The following CDH12 variants were observed in gnomAD, a reference collection of about 807,000 sequenced individuals.
The protein encoded by CDH12 is cadherin 12.
CDH12 carries 41 observed loss-of-function variants against 74.1 expected under a neutral mutation model. That is an observed-to-expected ratio of 0.55 (90% CI 0.43 to 0.72). The LOEUF is 0.72. CDH12 is among the 30% of genes least tolerant of loss of function. The pLI is 0.00. For synonymous variants in CDH12, 399 were observed against 355.0 expected, an observed-to-expected ratio of 1.12 and a Z score of -1.39; for missense variants, 945 against 977.2, an observed-to-expected ratio of 0.97 and a Z score of 0.44.
At chr5:22,610,286 C>T (rs1332488477) in intron 1 of CDH12, among the ~76,000 whole-genome samples, 2 of 152,144 alleles carry the variant, frequency 1.3e-5, no homozygotes, top group Admixed American at 6.5e-5. Context: ...CCAAATGGAA[C>T]ATCCATTTTG....
chr5:22,327,453 T>C (rs1294113314), intron 3 of CDH12, among the ~76,000 whole-genome samples: 1 of 151,794 alleles, frequency 6.6e-6, no homozygotes, highest in Admixed American at 6.6e-5. Context: ...TGTGTGTGTG[T>C]GTGTGTGTGT....
intron 1 of CDH12, among the ~76,000 whole-genome samples, chr5:22,606,713 T>C (rs1737136489): frequency 6.6e-6 from 1 of 152,136 alleles, no homozygotes; most frequent in Non-Finnish European, 1.5e-5. Flanking sequence ...GAAAATGGAC[T>C]AATACATTAA....
intron 2 of CDH12, among the ~76,000 whole-genome samples, chr5:22,440,880 T>TTG (rs1302685467): frequency 2.0e-5 from 3 of 152,150 alleles, no homozygotes; most frequent in African/African-American, 7.2e-5. Context: ...TAGTCACAGG[T>TTG]TACAGGCACG....
At chr5:21,802,113 C>T in intron 10 of CDH12, 54 bp downstream of exon 10, 3 of 1,530,722 alleles carry the variant, frequency 2.0e-6, no homozygotes, top group African/African-American at 1.4e-5. Flanking sequence ...GGTTTTTGTT[C>T]TTGTTTTGTT....
chr5:21,829,187 C>T (rs1361796594), intron 8 of CDH12, among the ~76,000 whole-genome samples: 1 of 152,132 alleles, frequency 6.6e-6, no homozygotes, highest in African/African-American at 2.4e-5. Context: ...CTCAATGACT[C>T]AGGAGGCTGA....
intron 3 of CDH12, among the ~76,000 whole-genome samples, chr5:22,298,720 T>A (rs1737737438): frequency 6.6e-6 from 1 of 152,194 alleles, no homozygotes; most frequent in South Asian, 2.1e-4. Flanking sequence ...GCTGCCAAGA[T>A]ACTTGCTATG....
chr5:22,394,562 G>A (rs962215033), intron 3 of CDH12, among the ~76,000 whole-genome samples: 1 of 152,152 alleles, frequency 6.6e-6, no homozygotes, highest in African/African-American at 2.4e-5. Context: ...CTCAGGCCAA[G>A]AGAAAGGAGC....
chr5:22,753,305 C>T (rs1432755654), intron 1 of CDH12, among the ~76,000 whole-genome samples: 1 of 151,448 alleles, frequency 6.6e-6, no homozygotes, highest in African/African-American at 2.4e-5. Context: ...GGCACGGTGG[C>T]GGGCGCCTGT....
intron 1 of CDH12, among the ~76,000 whole-genome samples, chr5:22,818,418 C>T (rs1271834243): frequency 6.6e-6 from 1 of 152,094 alleles, no homozygotes; most frequent in African/African-American, 2.4e-5. Flanking sequence ...CATCTTCCTC[C>T]ATCCCTTTCA....
intron 3 of CDH12, among the ~76,000 whole-genome samples, chr5:22,362,650 T>G (rs1258028541): frequency 1.3e-5 from 2 of 152,116 alleles, no homozygotes; most frequent in Admixed American, 1.3e-4. Context: ...ATTGTGGCAC[T>G]ATTCACAATA....
chr5:21,873,488 C>T lies in CDH12; in HGVS notation c.527-18698G>A, dbSNP rs1579877324. 2.0e-5 allele frequency among the ~76,000 whole-genome samples: 3 copies of T among 152,260 alleles called. No individual in the cohort carries two copies. In the East Asian group the frequency reaches 5.8e-4, roughly 29 times the overall value. On this transcript the variant is annotated intron_variant, in intron 6 of 14. Coordinates refer to ENST00000382254, the MANE Select transcript of CDH12 (RefSeq NM_004061.5). ...CTCTGTGGATAATTGACAAGATTGT[C>T]ACAGACCAGAGGCCACAAACTTTAG...
At chr5:22,543,368 T>G (rs2126722197) in intron 1 of CDH12, among the ~76,000 whole-genome samples, 1 of 152,260 alleles carries the variant, frequency 6.6e-6, no homozygotes, top group Non-Finnish European at 1.5e-5. Flanking sequence ...AGGAACATTT[T>G]CCCATTTATT....
intron 5 of CDH12, among the ~76,000 whole-genome samples, chr5:21,999,491 T>C (rs1736485722): frequency 6.6e-6 from 1 of 152,208 alleles, no homozygotes; most frequent in Admixed American, 6.6e-5. Flanking sequence ...AAATATGATT[T>C]GATCTGAGAA....
At chr5:22,583,632 A>T (rs181188290) in intron 1 of CDH12, among the ~76,000 whole-genome samples, 2 of 152,306 alleles carry the variant, frequency 1.3e-5, no homozygotes, top group Admixed American at 1.3e-4. Flanking sequence ...GATAATGTAA[A>T]ACAAAAGTCA....
At chr5:22,840,978 G>T (rs935386879) in intron 1 of CDH12, among the ~76,000 whole-genome samples, 2 of 152,136 alleles carry the variant, frequency 1.3e-5, no homozygotes, top group African/African-American at 4.8e-5. Flanking sequence ...GGGGAAGGAT[G>T]CAGGGAAAAC....
chr5:22,478,895 C>T (rs771179275), intron 2 of CDH12, among the ~76,000 whole-genome samples: 6 of 151,994 alleles, frequency 3.9e-5, no homozygotes, highest in South Asian at 2.1e-4. Flanking sequence ...AATTAAAGAA[C>T]GAAATGGAGG....
At chr5:22,783,517 G>A (rs1259001997) in intron 1 of CDH12, among the ~76,000 whole-genome samples, 1 of 152,074 alleles carries the variant, frequency 6.6e-6, no homozygotes, top group East Asian at 1.9e-4. Context: ...ATGAATAAAG[G>A]CTTTCTAGAG....
chr5:22,173,171 C>T (rs906392722), intron 4 of CDH12, among the ~76,000 whole-genome samples: 13 of 149,950 alleles, frequency 8.7e-5, no homozygotes, highest in Admixed American at 2.7e-4. Context: ...GTGGTGGTGG[C>T]CTGTGTGTAC....
At chr5:21,874,762 C>T (rs1394862789) in intron 6 of CDH12, among the ~76,000 whole-genome samples, 3 of 152,184 alleles carry the variant, frequency 2.0e-5, no homozygotes, top group East Asian at 1.9e-4. Flanking sequence ...GGGTGTCCGC[C>T]GCACTTCTGA....
Sources: gnomAD v4.1 joint callset for allele counts (sites outside exome capture counted in the v4.1 genomes callset) on GRCh38, gnomAD v4.1.1 for gene constraint, MANE v1.5 for transcripts, NCBI Gene and HGNC (gene_info 2026-07-23, HGNC 2026-07-21) for gene names.